The following ZNF469 variants were observed in gnomAD, a reference collection of about 807,000 sequenced individuals.
ZNF469 encodes the protein zinc finger protein 469.
A neutral mutation model predicts 1.0 loss-of-function variants in ZNF469; 1 was observed. The observed-to-expected ratio is 1.00, with a 90% CI of 0.35 to 4.73. ZNF469 has a LOEUF of 4.73. Ranked by LOEUF, ZNF469 falls within the 30% of genes most tolerant of loss-of-function variation. ZNF469 has a pLI of 0.16. For synonymous variants in ZNF469, 2,703 were observed against 2,363.4 expected, an observed-to-expected ratio of 1.14 and a Z score of -4.17; for missense variants, 6,100 against 5,356.3, an observed-to-expected ratio of 1.14 and a Z score of -4.33.
At chr16:88,123,295 G>A in the ZNF469 span, among the ~76,000 whole-genome samples, 97 of 152,202 alleles carry the variant, frequency 6.4e-4, 1 homozygote, top group African/African-American at 2.2e-3. Flanking sequence ...TTCACCCAGC[G>A]GAGCATCGAG....
intron 1 of ZNF469, among the ~76,000 whole-genome samples, chr16:88,402,728 C>T (rs1904917794): frequency 6.6e-6 from 1 of 152,240 alleles, no homozygotes; most frequent in African/African-American, 2.4e-5. Context: ...TGGGGCCCGG[C>T]CCCCGCCTGC....
At chr16:88,101,664 A>T in the ZNF469 span, among the ~76,000 whole-genome samples, 1 of 152,032 alleles carries the variant, frequency 6.6e-6, no homozygotes, top group African/African-American at 2.4e-5. Context: ...TGAGGCAGGC[A>T]CCGTCAATAA....
At chr16:88,325,312 G>A in the ZNF469 span, among the ~76,000 whole-genome samples, 10 of 152,172 alleles carry the variant, frequency 6.6e-5, no homozygotes, top group Non-Finnish European at 1.2e-4. Flanking sequence ...GGGCCGCAGG[G>A]GCTCAGACCC....
the ZNF469 span, among the ~76,000 whole-genome samples, chr16:88,307,798 T>A: frequency 6.6e-6 from 1 of 152,258 alleles, no homozygotes; most frequent in African/African-American, 2.4e-5. Context: ...GGTTACCTTT[T>A]CACTTTCTTA....
At chr16:88,104,453 C>A in the ZNF469 span, among the ~76,000 whole-genome samples, 1 of 152,124 alleles carries the variant, frequency 6.6e-6, no homozygotes, top group African/African-American at 2.4e-5. Flanking sequence ...AGCCCCCCAG[C>A]CTCTTGCCGG....
chr16:88,401,909 GGGAT>G (rs1224224047), intron 1 of ZNF469, among the ~76,000 whole-genome samples: 54 of 96,414 alleles, frequency 5.6e-4, no homozygotes, highest in Admixed American at 2.5e-3. Flanking sequence ...GATGGATGGA[GGGAT>G]GGATGGATGG....
At chr16:88,347,336 T>A in the ZNF469 span, among the ~76,000 whole-genome samples, 1 of 152,102 alleles carries the variant, frequency 6.6e-6, no homozygotes, top group Non-Finnish European at 1.5e-5. Context: ...GATGCTCAAG[T>A]GAAGACATGG....
chr16:88,107,783 G>A, the ZNF469 span, among the ~76,000 whole-genome samples: 1 of 152,222 alleles, frequency 6.6e-6, no homozygotes, highest in Non-Finnish European at 1.5e-5. Flanking sequence ...GCTTGCAGAC[G>A]CTGCAGAAGC....
At chr16:88,160,618 A>C in the ZNF469 span, among the ~76,000 whole-genome samples, 1 of 152,088 alleles carries the variant, frequency 6.6e-6, no homozygotes, top group Non-Finnish European at 1.5e-5. Context: ...AACTTAGCTA[A>C]AATCTTCCCT....
the ZNF469 span, among the ~76,000 whole-genome samples, chr16:88,334,573 ATC>A: frequency 6.6e-6 from 1 of 152,200 alleles, no homozygotes; most frequent in African/African-American, 2.4e-5. Flanking sequence ...GGAGTGATTC[ATC>A]TGTCCCAGAA....
chr16:88,366,945 A>G, the ZNF469 span, among the ~76,000 whole-genome samples: 2 of 151,936 alleles, frequency 1.3e-5, no homozygotes, highest in African/African-American at 4.8e-5. Context: ...ATGAGCAATA[A>G]CAGTGCTAAC....
the ZNF469 span, among the ~76,000 whole-genome samples, chr16:88,202,045 G>T: frequency 8.5e-4 from 129 of 152,166 alleles, no homozygotes; most frequent in African/African-American, 3.1e-3. Context: ...ACTTCCTGCC[G>T]TGCTCCCCCC....
Position 88,428,749 on chromosome 16 carries a change from C to T in ZNF469, c.1279C>T (p.Leu427=), listed in dbSNP as rs1252530278. 1.3e-6 allele frequency: 2 copies of T among 1,546,182 alleles called. No individual in the cohort carries two copies. Among genetic ancestry groups the T allele is most frequent in the Non-Finnish European group, 1.7e-6 (2 of 1,146,250 alleles). The part of the protein sequence containing the change: ...DTSPGPPDTE[L]AAPGPPPARL... Reference sequence around the variant, plus strand: ...CAGCCCGGGGCCTCCGGACACCGAGCTGGCCGCCCCAGGGCCCCCACCCGC... The same window carrying T: ...CAGCCCGGGGCCTCCGGACACCGAGTTGGCCGCCCCAGGGCCCCCACCCGC... The change falls in exon 3 of 3, where the codon CTG becomes TTG. Residue 427 remains leucine, a synonymous_variant. Coordinates refer to ENST00000565624, the MANE Select transcript of ZNF469 (RefSeq NM_001367624.2).
chr16:88,160,786 G>T, the ZNF469 span, among the ~76,000 whole-genome samples: 2 of 152,142 alleles, frequency 1.3e-5, no homozygotes, highest in African/African-American at 2.4e-5. Flanking sequence ...CCAGCAGCCT[G>T]CGAGATACAC....
the ZNF469 span, among the ~76,000 whole-genome samples, chr16:88,279,134 TGCACCACGCCGACACTTGGTCAGTACC>T: frequency 1.6e-5 from 2 of 128,974 alleles, no homozygotes; most frequent in East Asian, 2.8e-4. Context: ...CGGTTAGTGC[TGCACCACGCCGACACTTGGTCAGTACC>T]GTGTAGATAT....
chr16:88,141,136 G>A, the ZNF469 span, among the ~76,000 whole-genome samples: 49 of 152,270 alleles, frequency 3.2e-4, no homozygotes, highest in African/African-American at 2.2e-4. Flanking sequence ...AGATAAATCC[G>A]CTAAATTGCA....
upstream of ZNF469, among the ~76,000 whole-genome samples, chr16:88,380,189 TCACA>T (rs766923616): frequency 2.8e-5 from 3 of 109,000 alleles, no homozygotes; most frequent in South Asian, 3.0e-4. Flanking sequence ...ACAAATGCAC[TCACA>T]CACAGACATG....
the ZNF469 span, among the ~76,000 whole-genome samples, chr16:88,325,387 G>A: frequency 6.6e-6 from 1 of 152,238 alleles, no homozygotes; most frequent in Non-Finnish European, 1.5e-5. Context: ...GTCACAGTGG[G>A]AGAGGCACAA....
chr16:88,383,552 G>A (rs1287400721), intron 1 of ZNF469, among the ~76,000 whole-genome samples: 4 of 150,210 alleles, frequency 2.7e-5, no homozygotes, highest in African/African-American at 9.7e-5. Context: ...TCCGTGGGCA[G>A]TTTGGGAAGC....
Sources: gnomAD v4.1 joint callset for allele counts (sites outside exome capture counted in the v4.1 genomes callset) on GRCh38, gnomAD v4.1.1 for gene constraint, MANE v1.5 for transcripts, NCBI Gene and HGNC (gene_info 2026-07-23, HGNC 2026-07-21) for gene names.